KCTD1: variants seen among roughly 807,000 people sequenced by gnomAD.
KCTD1 encodes potassium channel tetramerization domain containing 1.
A neutral mutation model predicts 66.0 loss-of-function variants in KCTD1; 24 were observed. That is an observed-to-expected ratio of 0.36 (90% CI 0.26 to 0.51). The LOEUF is 0.51. Among genes scored for constraint, KCTD1 ranks in the 20% least tolerant of loss-of-function variants. KCTD1 has a pLI of 0.95. For missense variants in KCTD1, 943 were observed against 1,205.2 expected, an observed-to-expected ratio of 0.78 and a Z score of 3.22; for synonymous variants, 511 against 517.2, an observed-to-expected ratio of 0.99 and a Z score of 0.16.
Position 26,615,573 on chromosome 18 carries a change from G to A in KCTD1, c.-16+13574C>T, listed in dbSNP as rs73405352. 2.0e-3 allele frequency among the ~76,000 whole-genome samples: 304 copies of A among 152,240 alleles called. 1 individual carries two copies. Among genetic ancestry groups the A allele is most frequent in the African/African-American group, 7.0e-3 (291 of 41,534 alleles). ...AAATATCAAAGAAATATCTGTTTTG[G>A]GTGGTCTCCTCCAGCCTCAGTATCC... On this transcript the variant is annotated intron_variant, in intron 1 of 4. Transcript: ENST00000317932.
intron 1 of KCTD1, among the ~76,000 whole-genome samples, chr18:26,567,485 GTTGTT>G (rs1986009204): frequency 8.5e-6 from 1 of 118,024 alleles, no homozygotes. Flanking sequence ...TTCTGTTGTT[GTTGTT>G]TTTTTTTTTT....
chr18:26,589,741 A>C (rs1308900694), intron 1 of KCTD1, among the ~76,000 whole-genome samples: 1 of 152,196 alleles, frequency 6.6e-6, no homozygotes, highest in African/African-American at 2.4e-5. Flanking sequence ...GTCAACCTTG[A>C]CTGGTATAAG....
At chr18:26,487,825 C>T (rs542114821) in intron 2 of KCTD1, among the ~76,000 whole-genome samples, 152 of 152,296 alleles carry the variant, frequency 1.0e-3, no homozygotes, top group African/African-American at 3.5e-3. Context: ...TTCTCCCTAC[C>T]CCTCAAAGAA....
chr18:26,573,950 A>G (rs1986167068), intron 1 of KCTD1, among the ~76,000 whole-genome samples: 2 of 152,070 alleles, frequency 1.3e-5, no homozygotes, highest in Admixed American at 1.3e-4. Flanking sequence ...CCCATCAAAT[A>G]CCAGTATTGC....
At chr18:26,512,796 C>T (rs1983405189) in intron 1 of KCTD1, among the ~76,000 whole-genome samples, 1 of 152,050 alleles carries the variant, frequency 6.6e-6, no homozygotes, top group African/African-American at 2.4e-5. Context: ...GCCTTGACAA[C>T]ATGGTGAAAT....
At chr18:26,563,752 C>T (rs1434077578) in intron 1 of KCTD1, among the ~76,000 whole-genome samples, 1 of 152,296 alleles carries the variant, frequency 6.6e-6, no homozygotes, top group South Asian at 2.1e-4. Context: ...GTTGTGAGGA[C>T]TAAATGAGTT....
In KCTD1 at chr18:26,485,993, A is replaced by C. The variant is rs982069252; in HGVS notation, c.1989-9334T>G. 4.2e-5 allele frequency among the ~76,000 whole-genome samples: 6 copies of C among 144,526 alleles called. No individual in the cohort carries two copies. In the East Asian group the frequency reaches 8.0e-4, roughly 19 times the overall value. 94.8% of individuals were successfully genotyped at this position (144,526 alleles called of 152,430 possible). ...CAGTGGCATGATCTCGGCTCACTGCAACCTCCACCTCCCGGGTTCAAGCGA... is the reference window on the plus strand; with the variant it reads ...CAGTGGCATGATCTCGGCTCACTGCCACCTCCACCTCCCGGGTTCAAGCGA... On this transcript the variant is annotated intron_variant, in intron 2 of 4. Transcript: ENST00000580059.
upstream of KCTD1, among the ~76,000 whole-genome samples, chr18:26,643,916 A>T (rs538235602): frequency 2.6e-5 from 4 of 152,132 alleles, no homozygotes; most frequent in East Asian, 5.8e-4. Context: ...GAGCTGAGAT[A>T]GCACCACTGC....
At chr18:26,502,740 A>G (rs532391682) in intron 1 of KCTD1, among the ~76,000 whole-genome samples, 1 of 152,350 alleles carries the variant, frequency 6.6e-6, no homozygotes, top group South Asian at 2.1e-4. Context: ...TCTCAGATTT[A>G]TAATTTTAGC....
chr18:26,571,629 T>A (rs536344079), intron 1 of KCTD1, among the ~76,000 whole-genome samples: 19 of 152,200 alleles, frequency 1.2e-4, no homozygotes, highest in Non-Finnish European at 2.5e-4. Context: ...TATTATTATT[T>A]TTTATTTATT....
upstream of KCTD1, chr18:26,549,029 G>C (rs1985427806): frequency 1.0e-6 from 1 of 985,162 alleles, no homozygotes; most frequent in South Asian, 4.7e-5. Flanking sequence ...GGAGCCGGGG[G>C]GTCGGGGCGG....
At chr18:26,535,973 A>C (rs1984686952) in intron 1 of KCTD1, among the ~76,000 whole-genome samples, 2 of 44,670 alleles carry the variant, frequency 4.5e-5, no homozygotes, top group Non-Finnish European at 1.2e-4. Context: ...GATTCCTCCA[A>C]AAAAAAAAAA....
At chr18:26,620,460 A>T (rs1474128519) in intron 1 of KCTD1, among the ~76,000 whole-genome samples, 2 of 99,548 alleles carry the variant, frequency 2.0e-5, no homozygotes, top group Non-Finnish European at 3.8e-5. Context: ...TTTTTGAGAC[A>T]GGGTCTTGTT....
chr18:26,620,348 T>TAA (rs10594272), intron 1 of KCTD1, among the ~76,000 whole-genome samples: 12 of 87,204 alleles, frequency 1.4e-4, no homozygotes, highest in African/African-American at 3.3e-4. Context: ...AGGTAAATCT[T>TAA]AAAAAAAAAA....
intron 2 of KCTD1, among the ~76,000 whole-genome samples, chr18:26,494,660 T>A (rs560621951): frequency 1.1e-4 from 16 of 152,218 alleles, no homozygotes; most frequent in Non-Finnish European, 1.9e-4. Flanking sequence ...CCTATATAAC[T>A]GAGGAGCAAT....
chr18:26,627,425 T>C (rs918201638), intron 1 of KCTD1, among the ~76,000 whole-genome samples: 4 of 152,158 alleles, frequency 2.6e-5, no homozygotes, highest in Non-Finnish European at 5.9e-5. Context: ...ACAATTGTCA[T>C]TCATTGTGGG....
At chr18:26,600,375 C>T in intron 1 of KCTD1, 1 of 1,087,772 alleles carries the variant, frequency 9.2e-7, no homozygotes. Flanking sequence ...TCTGCTCCTC[C>T]AGCCAACTCC....
rs747901860 is a variant in KCTD1 at position 26,540,458 on chromosome 18, G to A, written c.1809+6270C>T. 5.3e-5 allele frequency among the ~76,000 whole-genome samples: 8 copies of A among 152,232 alleles called. No homozygotes were observed. In the East Asian group the frequency reaches 9.7e-4, roughly 18 times the overall value. On this transcript the variant is annotated intron_variant, in intron 1 of 4. Transcript: ENST00000580059. ...TGAATGACAGGGGTTTGAACTGTGC[G>A]GGTTCACTTATATGCGAGTGTTTTT...
intron 1 of KCTD1, among the ~76,000 whole-genome samples, chr18:26,537,604 C>T (rs777904942): frequency 2.6e-5 from 4 of 152,170 alleles, no homozygotes; most frequent in East Asian, 1.9e-4. Context: ...TACATAGTAT[C>T]GAAGGCAGAA....
Sources: allele counts gnomAD v4.1 joint callset (sites outside exome capture counted in the v4.1 genomes callset), GRCh38; gene constraint gnomAD v4.1.1; transcripts MANE v1.5; gene names NCBI Gene and HGNC (gene_info 2026-07-23, HGNC 2026-07-21).